PKIB: variants seen among roughly 807,000 people sequenced by gnomAD.
The protein encoded by PKIB is PKI-beta.
PKIB carries 2 observed loss-of-function variants against 4.5 expected under a neutral mutation model. The observed-to-expected ratio is 0.44, with a 90% confidence interval of 0.18 to 1.39. PKIB has a LOEUF of 1.39. Among genes scored for constraint, PKIB ranks in the 40% most tolerant of loss-of-function variants. The probability of loss-of-function intolerance (pLI) is 0.27; values close to 1 mark genes in which losing one functional copy is unlikely to be tolerated. For missense variants in PKIB, 94 were observed against 92.6 expected, an observed-to-expected ratio of 1.02 and a Z score of -0.06; for synonymous variants, 38 against 36.0, an observed-to-expected ratio of 1.06 and a Z score of -0.20.
rs539888763 is a variant in PKIB, at chr6:122,537,693, C to G, written c.-247-48228C>G. Among the ~76,000 whole-genome samples the G allele has an allele frequency of 9.1e-4, 138 of 152,004 alleles. 3 individuals are homozygous for G. In the South Asian group the frequency reaches 0.022, roughly 24 times the overall value. On this transcript the variant is annotated intron_variant, in intron 2 of 6. Transcript: ENST00000392491. ...ATTTATAATCCTTTGGGTATATACC[C>G]GTAAGGGGATGGCTGGGTCAAAGGG... is the stretch of plus-strand genomic sequence containing the variant.
In PKIB at chr6:122,725,311, C is replaced by A; in HGVS notation, c.*116C>A. 1.3e-6 allele frequency: 1 copy of A among 767,724 alleles called. No individual in the cohort carries two copies. The highest frequency in any genetic ancestry group is 2.1e-6 in the Non-Finnish European group (1 of 466,440). 47.6% of individuals were successfully genotyped at this position (767,724 alleles called of 1,614,324 possible). ...GTGGTAACATTGCAGCCCTAAGCAG[C>A]ATGTGTATATTAGATAATTGTGTTG... On this transcript the variant is annotated 3_prime_UTR_variant, in exon 5 of 5. Transcript: ENST00000368452.
At chr6:122,504,757 T>C (rs145395119) in intron 2 of PKIB, among the ~76,000 whole-genome samples, 13 of 152,360 alleles carry the variant, frequency 8.5e-5, no homozygotes, top group African/African-American at 3.1e-4. Context: ...TACTGAAGGA[T>C]AATCATTTTG....
intron 1 of PKIB, among the ~76,000 whole-genome samples, chr6:122,472,843 G>A (rs1456234922): frequency 6.6e-6 from 1 of 152,074 alleles, no homozygotes; most frequent in Non-Finnish European, 1.5e-5. Flanking sequence ...TTAAAGAATT[G>A]TGGAAATGCT....
At chr6:122,696,449 CA>C (rs1164758513) in intron 3 of PKIB, among the ~76,000 whole-genome samples, 1 of 152,114 alleles carries the variant, frequency 6.6e-6, no homozygotes, top group African/African-American at 2.4e-5. Context: ...AAGGAACATC[CA>C]AATGTAAAGA....
At chr6:122,674,969 T>C (rs971907326) in intron 2 of PKIB, 109 bp from the exon 3 acceptor site, 4 of 152,498 alleles carry the variant, frequency 2.6e-5, no homozygotes, top group African/African-American at 9.7e-5. Flanking sequence ...CAAGTCATGA[T>C]GTTTACCAGT....
chr6:122,603,492 T>C (rs72962491), intron 3 of PKIB, among the ~76,000 whole-genome samples: 14,544 of 152,298 alleles, frequency 0.095, 829 homozygotes, highest in East Asian at 0.18. Flanking sequence ...TTTTTCTTTT[T>C]TTTTGAGACA....
intron 2 of PKIB, chr6:122,531,245 C>G (rs1452085196): frequency 6.6e-6 from 1 of 152,120 alleles, no homozygotes; most frequent in African/African-American, 2.4e-5. Flanking sequence ...TTAGTTTCTG[C>G]TGCCCCGTCA....
intron 2 of PKIB, among the ~76,000 whole-genome samples, chr6:122,510,364 A>G (rs1300681010): frequency 6.6e-6 from 1 of 152,226 alleles, no homozygotes; most frequent in Non-Finnish European, 1.5e-5. Context: ...CAAAAGTTTG[A>G]CAAATTGTGG....
chr6:122,524,192 C>T (rs1315116440), intron 2 of PKIB, among the ~76,000 whole-genome samples: 1 of 148,920 alleles, frequency 6.7e-6, no homozygotes, highest in Non-Finnish European at 1.5e-5. Flanking sequence ...TCATCCTCCT[C>T]TTCTTCTTTC....
At chr6:122,673,232 T>A (rs959588023) in intron 2 of PKIB, among the ~76,000 whole-genome samples, 1 of 152,164 alleles carries the variant, frequency 6.6e-6, no homozygotes, top group Non-Finnish European at 1.5e-5. Context: ...CATGCATTTT[T>A]AAAATGCAAA....
intron 3 of PKIB, among the ~76,000 whole-genome samples, chr6:122,595,316 A>G (rs1774145549): frequency 6.6e-6 from 1 of 152,232 alleles, no homozygotes; most frequent in African/African-American, 2.4e-5. Context: ...TCAAAAGACC[A>G]TTCCCCTGTT....
At chr6:122,663,796 AT>A (rs1777108903) in intron 2 of PKIB, among the ~76,000 whole-genome samples, 1 of 152,066 alleles carries the variant, frequency 6.6e-6, no homozygotes, top group Non-Finnish European at 1.5e-5. Context: ...ATAACATCAT[AT>A]TCACATGTAC....
intron 2 of PKIB, among the ~76,000 whole-genome samples, chr6:122,668,781 T>A (rs546638527): frequency 6.6e-6 from 1 of 152,344 alleles, no homozygotes; most frequent in East Asian, 1.9e-4. Flanking sequence ...CTCTTTCTTC[T>A]TATATATAAC....
intron 3 of PKIB, among the ~76,000 whole-genome samples, chr6:122,594,882 A>G (rs554734898): frequency 6.6e-6 from 1 of 152,280 alleles, no homozygotes; most frequent in African/African-American, 2.4e-5. Flanking sequence ...GGAGTAGTAG[A>G]CTGATTTCAT....
chr6:122,680,138 C>T (rs965685430), intron 3 of PKIB, among the ~76,000 whole-genome samples: 10 of 152,102 alleles, frequency 6.6e-5, no homozygotes, highest in African/African-American at 2.4e-4. Context: ...TTCACAAAGG[C>T]TGATTAATTG....
chr6:122,539,488 T>A (rs987184058), intron 2 of PKIB, among the ~76,000 whole-genome samples: 2 of 152,120 alleles, frequency 1.3e-5, no homozygotes, highest in Admixed American at 6.5e-5. Flanking sequence ...TTATGTTTAT[T>A]GATTTGCATA....
intron 2 of PKIB, among the ~76,000 whole-genome samples, chr6:122,650,126 G>A (rs539368499): frequency 6.6e-6 from 1 of 152,120 alleles, no homozygotes; most frequent in African/African-American, 2.4e-5. Flanking sequence ...CTTCATTTTT[G>A]GTTGTATGAG....
At chr6:122,618,854 G>T (rs190756997) in intron 1 of PKIB, among the ~76,000 whole-genome samples, 2 of 152,000 alleles carry the variant, frequency 1.3e-5, no homozygotes, top group Non-Finnish European at 2.9e-5. Flanking sequence ...CTGCATCAGA[G>T]GATGTTAATT....
intron 1 of PKIB, among the ~76,000 whole-genome samples, chr6:122,619,292 A>G (rs1012453246): frequency 6.6e-6 from 1 of 152,174 alleles, no homozygotes; most frequent in Non-Finnish European, 1.5e-5. Flanking sequence ...TTGTAAAAGT[A>G]TTCACCTACA....
Sources: gnomAD v4.1 joint callset for allele counts (sites outside exome capture counted in the v4.1 genomes callset) on GRCh38, gnomAD v4.1.1 for gene constraint, MANE v1.5 for transcripts, NCBI Gene and HGNC (gene_info 2026-07-23, HGNC 2026-07-21) for gene names.